The following YY1 variants were observed in gnomAD, a reference collection of about 807,000 sequenced individuals.
YY1 encodes transcriptional repressor protein YY1.
In YY1, 2 loss-of-function variants were observed where a neutral mutation model predicts 35.6. The ratio of observed to expected loss-of-function variants is 0.06; its 90% confidence interval spans 0.02 to 0.18. The LOEUF (loss-of-function observed/expected upper bound fraction) is 0.18, where lower values mean the gene tolerates loss of function less well. Among genes scored for constraint, YY1 ranks in the 10% least tolerant of loss-of-function variants. The pLI is 1.00. For synonymous variants in YY1, 268 were observed against 238.9 expected (o/e 1.12, Z -1.12); for missense variants, 322 against 573.4 (o/e 0.56, Z 4.48).
chr14:100,243,357 C>T (rs1353234783), intron 1 of YY1, among the ~76,000 whole-genome samples: 2 of 149,168 alleles, frequency 1.3e-5, no homozygotes, highest in African/African-American at 4.9e-5. Flanking sequence ...ACTAAAATAG[C>T]CCCTTAGTTT....
At position 100,239,484 on chromosome 14, in the gene YY1, C is replaced by G. The variant is rs772186005; in HGVS notation, c.240C>G (p.His80Gln). ...HHHHHHHHHH[H>Q]PPMIALQPLV... Reference sequence around the variant, plus strand: ...ACCACCACCATCACCACCACCACCACCCGCCCATGATCGCTCTGCAGCCGC... The same window carrying G: ...ACCACCACCATCACCACCACCACCAGCCGCCCATGATCGCTCTGCAGCCGC... The change falls in exon 1 of 5, where the codon CAC becomes CAG. Residue 80 changes from histidine (H) to glutamine (Q), a missense_variant. Around this residue, in one of 4 missense-constraint regions of YY1, gnomAD observed 137 missense variants for 167.0 expected, o/e 0.82. Coordinates refer to ENST00000262238, the MANE Select transcript of YY1 (RefSeq NM_003403.5). 9 of 1,607,218 alleles carry G rather than the reference C, an allele frequency of 5.6e-6. No individual in the cohort carries two copies. In the South Asian group the frequency reaches 8.8e-5, roughly 16 times the overall value.
At position 100,277,810 on chromosome 14, in the gene YY1, G is replaced by T. The variant is rs1387360330; in HGVS notation, c.*210G>T. The stretch of plus-strand genomic sequence containing the variant: ...TTGCTAAGATGCTCTATCTTGCTCT[G>T]TAATCTCGTTTCAAAAACACAGTGT... On this transcript the variant is annotated 3_prime_UTR_variant, in exon 5 of 5. Transcript: ENST00000262238. This position sits in a 1 kb window ranked among gnomAD's most constrained non-coding sequence, Gnocchi z 5.6. The T allele has an allele frequency of 5.2e-6, 3 of 580,564 alleles. No homozygotes were observed. Among genetic ancestry groups the T allele is most frequent in the Non-Finnish European group, 8.9e-6 (3 of 337,392 alleles). The allele number at this position is 580,564 out of a possible 1,614,324, so 36.0% of individuals were successfully genotyped here.
In YY1 at chr14:100,280,692, G is replaced by T. The variant is rs558286853; in HGVS notation, c.*3092G>T. 6.6e-6 allele frequency: 1 copy of T among 151,972 alleles called. No individual in the cohort carries two copies. Among genetic ancestry groups the T allele is most frequent in the Non-Finnish European group, 1.5e-5 (1 of 67,996 alleles). 9.4% of individuals were successfully genotyped at this position (151,972 alleles called of 1,614,324 possible). A position where few individuals can be genotyped will look rare whatever the true frequency, so the allele number is the denominator to read the frequency against. On this transcript the variant is annotated 3_prime_UTR_variant, in exon 5 of 5. Coordinates refer to ENST00000262238, the MANE Select transcript of YY1 (RefSeq NM_003403.5). ...AAGACCCTTTCACAGGATAGTGTGC[G>T]CAATACCTGTCCGTGTTTCCAAGCA...
intron 1 of YY1, among the ~76,000 whole-genome samples, chr14:100,251,216 A>G (rs1890919847): frequency 6.6e-6 from 1 of 152,220 alleles, no homozygotes; most frequent in African/African-American, 2.4e-5. Context: ...AAATGTAATC[A>G]CACAAGTGTC....
chr14:100,263,538 A>G (rs1891113008), intron 2 of YY1, among the ~76,000 whole-genome samples: 2 of 152,186 alleles, frequency 1.3e-5, no homozygotes, highest in Non-Finnish European at 2.9e-5. Flanking sequence ...AGGAGCTGAA[A>G]ATACCACAAA....
At position 100,281,988 on chromosome 14, in the gene YY1, T is replaced by C. The variant is rs536687543; in HGVS notation, c.*4388T>C. 1 of 152,346 alleles carries C rather than the reference T, an allele frequency of 6.6e-6. No homozygotes were observed. Among genetic ancestry groups the C allele is most frequent in the African/African-American group, 2.4e-5 (1 of 41,572 alleles). The allele number at this position is 152,346 out of a possible 1,614,324, so 9.4% of individuals were successfully genotyped here. ...GGCTTGATGGGAAGTATGGGCAGCA[T>C]GTACTTGACACGTTATCACCCAGTC... is the stretch of plus-strand genomic sequence containing the variant. On this transcript the variant is annotated 3_prime_UTR_variant, in exon 5 of 5. Coordinates refer to ENST00000262238, the MANE Select transcript of YY1 (RefSeq NM_003403.5).
chr14:100,244,472 G>A (rs1166244256), intron 1 of YY1, among the ~76,000 whole-genome samples: 1 of 150,986 alleles, frequency 6.6e-6, no homozygotes, highest in Non-Finnish European at 1.5e-5. Flanking sequence ...TGGTAGAGAC[G>A]AAGTTTCGCC....
rs907015932 is a variant in YY1, at chr14:100,277,803, T to A, written c.*203T>A. On this transcript the variant is annotated 3_prime_UTR_variant, in exon 5 of 5. Transcript: ENST00000262238. The surrounding 1 kb of genome is among the most constrained non-coding windows in gnomAD (Gnocchi z 5.6). Reference sequence around the variant, plus strand: ...GATGACATTGCTAAGATGCTCTATCTTGCTCTGTAATCTCGTTTCAAAAAC... The same window carrying A: ...GATGACATTGCTAAGATGCTCTATCATGCTCTGTAATCTCGTTTCAAAAAC... 1 of 608,176 alleles carries A rather than the reference T, an allele frequency of 1.6e-6. No homozygotes were observed. The highest frequency in any genetic ancestry group is 2.9e-5 in the East Asian group (1 of 34,664). The allele number at this position is 608,176 out of a possible 1,614,324, so 37.7% of individuals were successfully genotyped here. A position where few individuals can be genotyped will look rare whatever the true frequency, so the allele number is the denominator to read the frequency against.
intron 2 of YY1, among the ~76,000 whole-genome samples, chr14:100,272,463 G>A (rs1385616702): frequency 2.6e-5 from 4 of 152,082 alleles, no homozygotes; most frequent in African/African-American, 9.7e-5. Context: ...GATTTCATGT[G>A]TTCAGGTTAC....
At chr14:100,243,777 C>G (rs938385152) in intron 1 of YY1, among the ~76,000 whole-genome samples, 1 of 150,430 alleles carries the variant, frequency 6.6e-6, no homozygotes, top group African/African-American at 2.5e-5. Flanking sequence ...CCACTGTACT[C>G]CAGCCTAGGT....
Position 100,281,655 on chromosome 14 carries a change from AC to A in YY1, c.*4059del, listed in dbSNP as rs1375921377. Reference sequence around the variant, plus strand: ...TCTCTGACTTTACAGGACAAAAGGTACCCCACGCCTTCAGAATCATGCTTAC... The same window carrying A: ...TCTCTGACTTTACAGGACAAAAGGTACCCACGCCTTCAGAATCATGCTTAC... On this transcript the variant is annotated 3_prime_UTR_variant, in exon 5 of 5. Transcript: ENST00000262238. 6.6e-6 allele frequency: 1 copy of A among 152,136 alleles called. No individual in the cohort carries two copies. Among genetic ancestry groups the A allele is most frequent in the East Asian group, 1.9e-4 (1 of 5,196 alleles). The allele number at this position is 152,136 out of a possible 1,614,324, so 9.4% of individuals were successfully genotyped here.
intron 1 of YY1, among the ~76,000 whole-genome samples, chr14:100,257,490 A>G (rs925747354): frequency 2.6e-5 from 4 of 152,054 alleles, no homozygotes; most frequent in African/African-American, 9.7e-5. Context: ...TTAACCCCCA[A>G]TGTGATGGTA....
chr14:100,262,572 T>C, intron 2 of YY1, 106 bp downstream of exon 2: 1 of 1,240,312 alleles, frequency 8.1e-7, no homozygotes, highest in Non-Finnish European at 1.2e-6. Context: ...ATTCTTTCTC[T>C]AGGGAAATTC....
intron 2 of YY1, among the ~76,000 whole-genome samples, chr14:100,267,265 T>A (rs1048470415): frequency 2.0e-5 from 3 of 152,212 alleles, no homozygotes; most frequent in African/African-American, 7.2e-5. Flanking sequence ...GAAGATTTTC[T>A]CCTTGCAGCT....
chr14:100,239,467 C>T lies in YY1; in HGVS notation c.223C>T (p.His75Tyr). The change falls in exon 1 of 5, where the codon CAT becomes TAT. Residue 75 changes from histidine (H) to tyrosine (Y), a missense_variant. By Grantham distance (83) the His-to-Tyr change is moderately conservative. Coordinates refer to ENST00000262238, the MANE Select transcript of YY1 (RefSeq NM_003403.5). ...GCACGCCGGCCACCACCACCACCAC[C>T]ATCACCACCACCACCACCCGCCCAT... ...HGHAGHHHHH[H>Y]HHHHHPPMIA... is the part of the protein sequence containing the mutation. 1.2e-6 allele frequency: 2 copies of T among 1,601,170 alleles called. No individual in the cohort carries two copies. The highest frequency in any genetic ancestry group is 1.4e-5 in the African/African-American group (1 of 73,978).
intron 1 of YY1, among the ~76,000 whole-genome samples, chr14:100,242,493 A>G (rs1890765387): frequency 7.1e-6 from 1 of 140,602 alleles, no homozygotes; most frequent in Non-Finnish European, 1.5e-5. Context: ...AGTTTACGCC[A>G]TTCTCCTGCC....
intron 2 of YY1, among the ~76,000 whole-genome samples, chr14:100,266,513 G>T (rs1891159243): frequency 6.6e-6 from 1 of 152,090 alleles, no homozygotes; most frequent in Non-Finnish European, 1.5e-5. Context: ...TGATCTAAAA[G>T]TTTGTCCCCA....
intron 2 of YY1, among the ~76,000 whole-genome samples, chr14:100,266,291 A>G (rs1891154250): frequency 6.6e-6 from 1 of 152,170 alleles, no homozygotes; most frequent in Admixed American, 6.5e-5. Flanking sequence ...GAGTAAAAGC[A>G]TCATTCAGAC....
intron 1 of YY1, among the ~76,000 whole-genome samples, chr14:100,245,142 T>C (rs991149421): frequency 6.6e-6 from 1 of 152,058 alleles, no homozygotes; most frequent in Non-Finnish European, 1.5e-5. Flanking sequence ...TTCACCATGT[T>C]AGCCAGGATG....
Sources: allele counts gnomAD v4.1 joint callset (sites outside exome capture counted in the v4.1 genomes callset), GRCh38; gene constraint gnomAD v4.1.1; regional missense constraint gnomAD v4.1.1; non-coding constraint Gnocchi (gnomAD v3.1); transcripts MANE v1.5; gene names NCBI Gene and HGNC (gene_info 2026-07-23, HGNC 2026-07-21).